The following EXOC4 variants were observed in gnomAD, a reference collection of about 807,000 sequenced individuals.
The protein encoded by EXOC4 is SEC8-like 1.
In EXOC4, 71 loss-of-function variants were observed where a neutral mutation model predicts 107.2. The ratio of observed to expected loss-of-function variants is 0.66; its 90% CI spans 0.55 to 0.81. The LOEUF (loss-of-function observed/expected upper bound fraction) is 0.81. EXOC4 is among the 30% of genes least tolerant of loss of function. The pLI, the probability that EXOC4 is intolerant of heterozygous loss-of-function variation, is 0.00. For missense variants in EXOC4, 1,108 were observed against 1,189.6 expected (o/e 0.93, Z 1.01); for synonymous variants, 456 against 441.2 (o/e 1.03, Z -0.42).
rs368352882 is a variant in EXOC4, at chr7:133,504,049, G to A, written c.1417+23911G>A. 6.4e-4 allele frequency among the ~76,000 whole-genome samples: 98 copies of A among 152,036 alleles called. No individual in the cohort carries two copies. The East Asian group carries it at 6.9e-3, about 11-fold the overall frequency. On this transcript the variant is annotated intron_variant, in intron 9 of 17. Transcript: ENST00000253861. ...TACACACACACACACTCACAAATAC[G>A]TGTACAAATACAGTTCCCGACTTGG...
intron 17 of EXOC4, among the ~76,000 whole-genome samples, chr7:134,046,464 T>C (rs538506217): frequency 6.6e-6 from 1 of 150,608 alleles, no homozygotes; most frequent in East Asian, 2.0e-4. Flanking sequence ...AGTAAGACTA[T>C]GTCTTAAAAA....
intron 10 of EXOC4, among the ~76,000 whole-genome samples, chr7:133,640,189 A>G (rs1446622232): frequency 6.6e-6 from 1 of 152,158 alleles, no homozygotes; most frequent in African/African-American, 2.4e-5. Context: ...ACTTGCTTAT[A>G]TTGACAGTCA....
At chr7:133,269,515 G>C (rs1466847747) in intron 1 of EXOC4, among the ~76,000 whole-genome samples, 1 of 152,182 alleles carries the variant, frequency 6.6e-6, no homozygotes, top group East Asian at 1.9e-4. Flanking sequence ...ATTGCCTGGT[G>C]TATTATAGAT....
At chr7:133,960,011 G>A (rs1413346321) in intron 14 of EXOC4, among the ~76,000 whole-genome samples, 1 of 152,096 alleles carries the variant, frequency 6.6e-6, no homozygotes, top group Non-Finnish European at 1.5e-5. Context: ...CAAGAAATGG[G>A]GATTCTAGAG....
At chr7:133,370,597 A>G (rs1204266552) in intron 6 of EXOC4, among the ~76,000 whole-genome samples, 1 of 152,154 alleles carries the variant, frequency 6.6e-6, no homozygotes, top group Non-Finnish European at 1.5e-5. Context: ...GGAGGTATGT[A>G]GCTTTTTAAA....
chr7:133,391,284 A>G (rs1290815689), intron 7 of EXOC4, among the ~76,000 whole-genome samples: 2 of 152,242 alleles, frequency 1.3e-5, no homozygotes, highest in Admixed American at 6.5e-5. Flanking sequence ...ACAGCAAATG[A>G]CGAAAGCTCA....
chr7:133,355,855 T>C (rs1012842179), intron 5 of EXOC4, among the ~76,000 whole-genome samples: 4 of 152,164 alleles, frequency 2.6e-5, no homozygotes, highest in Admixed American at 2.0e-4. Context: ...TTAAAAAATT[T>C]ATTATAATTT....
At chr7:133,745,602 G>A (rs7785064) in intron 10 of EXOC4, among the ~76,000 whole-genome samples, 150,057 of 152,140 alleles carry the variant, frequency 0.99, 74,050 homozygotes, top group Middle Eastern at 1. Flanking sequence ...ATAAAGTGAC[G>A]TGATCACAGC....
chr7:133,260,963 G>T (rs1392574602), intron 1 of EXOC4, among the ~76,000 whole-genome samples: 1 of 152,178 alleles, frequency 6.6e-6, no homozygotes, highest in East Asian at 1.9e-4. Context: ...TTGCTATGCT[G>T]GTTCACTAGT....
intron 7 of EXOC4, among the ~76,000 whole-genome samples, chr7:133,417,720 C>G (rs1337234235): frequency 6.6e-6 from 1 of 152,050 alleles, no homozygotes; most frequent in South Asian, 2.1e-4. Context: ...GATCCTTGAC[C>G]AGTCTACCTC....
chr7:133,562,924 G>C (rs1260789687), intron 9 of EXOC4, among the ~76,000 whole-genome samples: 4 of 152,220 alleles, frequency 2.6e-5, no homozygotes, highest in South Asian at 4.2e-4. Flanking sequence ...TTTAATAATA[G>C]AAAGACTCAT....
intron 10 of EXOC4, among the ~76,000 whole-genome samples, chr7:133,744,903 C>T (rs1453784645): frequency 6.6e-6 from 1 of 152,096 alleles, no homozygotes; most frequent in African/African-American, 2.4e-5. Flanking sequence ...TGCTCATGAT[C>T]CCAAGCGTAT....
chr7:133,899,525 C>G (rs1285099196), intron 12 of EXOC4, among the ~76,000 whole-genome samples: 1 of 152,158 alleles, frequency 6.6e-6, no homozygotes, highest in Non-Finnish European at 1.5e-5. Flanking sequence ...TGAATGATAA[C>G]AAATCAGTTT....
chr7:133,491,289 A>G (rs1165512662), intron 9 of EXOC4, among the ~76,000 whole-genome samples: 1 of 152,204 alleles, frequency 6.6e-6, no homozygotes, highest in Non-Finnish European at 1.5e-5. Context: ...GCAGCCAGTA[A>G]TTTGCATATT....
intron 7 of EXOC4, among the ~76,000 whole-genome samples, chr7:133,420,676 A>C (rs1251777202): frequency 1.3e-5 from 2 of 152,110 alleles, no homozygotes. Context: ...GCTGGATCAG[A>C]ATCTACATTT....
At chr7:133,571,773 GGT>G in intron 9 of EXOC4, among the ~76,000 whole-genome samples, 1 of 152,262 alleles carries the variant, frequency 6.6e-6, no homozygotes. Context: ...TTGGCTGTCT[GGT>G]AAGAGCTGCA....
chr7:133,973,634 A>G (rs749230221), intron 14 of EXOC4, among the ~76,000 whole-genome samples: 63 of 152,238 alleles, frequency 4.1e-4, no homozygotes, highest in Non-Finnish European at 7.5e-4. Flanking sequence ...TAAAAGAGAC[A>G]TGATCAGATG....
intron 9 of EXOC4, among the ~76,000 whole-genome samples, chr7:133,609,178 G>C (rs1175421112): frequency 6.6e-6 from 1 of 152,064 alleles, no homozygotes; most frequent in Non-Finnish European, 1.5e-5. Flanking sequence ...TATACATTTT[G>C]CCTCCATTTA....
At chr7:133,994,144 A>G (rs988071148) in intron 14 of EXOC4, among the ~76,000 whole-genome samples, 3 of 152,202 alleles carry the variant, frequency 2.0e-5, no homozygotes, top group African/African-American at 7.2e-5. Context: ...TGCATGCTTT[A>G]TGATGTTCCC....
Sources: allele counts gnomAD v4.1 joint callset (sites outside exome capture counted in the v4.1 genomes callset), GRCh38; gene constraint gnomAD v4.1.1; transcripts MANE v1.5; gene names NCBI Gene and HGNC (gene_info 2026-07-23, HGNC 2026-07-21).